Variants in NME7 observed in about 807,000 individuals in gnomAD.
NME7 encodes the protein NME/NM23 family member 7.
NME7 carries 41 observed loss-of-function variants against 49.1 expected under a neutral mutation model. The ratio of observed to expected loss-of-function variants is 0.83; its 90% CI spans 0.65 to 1.08. The LOEUF (loss-of-function observed/expected upper bound fraction) is 1.08. Ranked by LOEUF, NME7 falls within the 50% of genes least tolerant of loss-of-function variation. NME7 has a pLI of 0.00. For synonymous variants in NME7, 139 were observed against 150.6 expected (o/e 0.92, Z 0.56); for missense variants, 423 against 463.4 (o/e 0.91, Z 0.80).
At chr1:169,292,869 GT>G (rs561446685) in intron 6 of NME7, among the ~76,000 whole-genome samples, 2 of 152,240 alleles carry the variant, frequency 1.3e-5, no homozygotes, top group South Asian at 4.1e-4. Context: ...TCAAGAAAAT[GT>G]TCAGAAGGAA....
At chr1:169,354,631 G>A (rs1047796118) in intron 1 of NME7, among the ~76,000 whole-genome samples, 2 of 148,046 alleles carry the variant, frequency 1.4e-5, no homozygotes, top group African/African-American at 4.9e-5. Flanking sequence ...AATATCTGGT[G>A]TACATATTTA....
chr1:169,275,897 G>T lies in NME7; in HGVS notation c.754+11406C>A, dbSNP rs1232531594. Reference sequence around the variant, plus strand: ...TTTATTGAGAGTTTTTAGCATGAAGGGTTGTTGAATTTTGTCAAAGGCCTT... The same window carrying T: ...TTTATTGAGAGTTTTTAGCATGAAGTGTTGTTGAATTTTGTCAAAGGCCTT... On this transcript the variant is annotated intron_variant, in intron 7 of 11. Coordinates refer to ENST00000367811, the MANE Select transcript of NME7 (RefSeq NM_013330.5). Among the ~76,000 whole-genome samples the T allele has an allele frequency of 7.7e-5, 10 of 129,738 alleles. 2 individuals carry two copies. The highest frequency in any genetic ancestry group is 2.3e-4 in the Admixed American group (3 of 13,116). The allele number at this position is 129,738 out of a possible 152,430, so 85.1% of individuals were successfully genotyped here.
At chr1:169,254,313 T>G (rs1019580495) in intron 7 of NME7, among the ~76,000 whole-genome samples, 1 of 152,124 alleles carries the variant, frequency 6.6e-6, no homozygotes, top group African/African-American at 2.4e-5. Context: ...TGTCGAGGAA[T>G]TTATCCATTT....
chr1:169,324,908 T>C (rs1652002889), intron 1 of NME7, among the ~76,000 whole-genome samples: 1 of 152,224 alleles, frequency 6.6e-6, no homozygotes, highest in South Asian at 2.1e-4. Context: ...ATATGAAGTT[T>C]TGACTTCCCT....
chr1:169,137,186 A>C (rs1218187581), intron 11 of NME7, among the ~76,000 whole-genome samples: 1 of 152,260 alleles, frequency 6.6e-6, no homozygotes, highest in African/African-American at 2.4e-5. Context: ...CCTTACAGCC[A>C]AGGCTGGCTG....
intron 11 of NME7, among the ~76,000 whole-genome samples, chr1:169,136,667 G>A (rs1047185185): frequency 1.1e-4 from 16 of 152,090 alleles, no homozygotes; most frequent in African/African-American, 1.7e-4. Context: ...CATATCCAAC[G>A]GATAATGATA....
intron 1 of NME7, among the ~76,000 whole-genome samples, chr1:169,331,100 A>T (rs1431967836): frequency 6.6e-6 from 1 of 152,224 alleles, no homozygotes; most frequent in East Asian, 1.9e-4. Flanking sequence ...GCAATACATT[A>T]GAAAGATCAT....
In NME7 at chr1:169,298,583, G is replaced by A; in HGVS notation, c.621C>T (p.Gly207=). 6.2e-7 allele frequency: 1 copy of A among 1,613,862 alleles called. No individual in the cohort carries two copies. The highest frequency in any genetic ancestry group is 8.5e-7 in the Non-Finnish European group (1 of 1,179,864). Residue 207 remains glycine, a synonymous_variant, in exon 6 of 12, where the codon GGC becomes GGT. Transcript: ENST00000367811. Reference sequence around the variant, plus strand: ...TGGCCGCAGAAGCAAAAGAATCAGGGCCATGCGCTGCATTTCTTATGCCAT... The same window carrying A: ...TGGCCGCAGAAGCAAAAGAATCAGGACCATGCGCTGCATTTCTTATGCCAT... ...GTDGIRNAAH[G]PDSFASAARE...
At chr1:169,156,535 T>C (rs185150091) in intron 11 of NME7, among the ~76,000 whole-genome samples, 111 of 152,326 alleles carry the variant, frequency 7.3e-4, no homozygotes, top group Admixed American at 5.5e-3. Flanking sequence ...AATAAATTAA[T>C]CTAAAATAAT....
chr1:169,232,665 T>C (rs1229382808), intron 9 of NME7, among the ~76,000 whole-genome samples: 3 of 150,838 alleles, frequency 2.0e-5, no homozygotes, highest in Non-Finnish European at 4.4e-5. Flanking sequence ...GGTGGGAAAA[T>C]ATTTTTCAAA....
chr1:169,367,596 G>T, intron 1 of NME7, 112 bp downstream of exon 1: 3 of 1,187,882 alleles, frequency 2.5e-6, no homozygotes, highest in South Asian at 1.2e-5. Flanking sequence ...AAGAGATAAC[G>T]GGGAGAAGGT....
rs979124834 is a variant in NME7, at chr1:169,263,287, A to G, written c.754+24016T>C. Among the ~76,000 whole-genome samples, 3 of 134,066 alleles carry G rather than the reference A, an allele frequency of 2.2e-5. 1 individual carries two copies. Among genetic ancestry groups the G allele is most frequent in the Non-Finnish European group, 5.3e-5 (3 of 57,034 alleles). The allele number at this position is 134,066 out of a possible 152,430, so 88.0% of individuals were successfully genotyped here. A position where few individuals can be genotyped will look rare whatever the true frequency, so the allele number is the denominator to read the frequency against. ...CTGAAATGACAGAAACAGAATTCAG[A>G]ATGTGGATAGGAATGAAGATCATCA... is the stretch of plus-strand genomic sequence containing the variant. On this transcript the variant is annotated intron_variant, in intron 7 of 11. Coordinates refer to ENST00000367811, the MANE Select transcript of NME7 (RefSeq NM_013330.5).
Position 169,144,339 on chromosome 1 carries a change from C to T in NME7, c.1099-11522G>A, listed in dbSNP as rs79141439. On this transcript the variant is annotated intron_variant, in intron 11 of 11. Coordinates refer to ENST00000367811, the MANE Select transcript of NME7 (RefSeq NM_013330.5). ...TGAATACTTGCAATGTGTAATTATC[C>T]ACAAAGGCCATTACAAGAGAATATA... Among the ~76,000 whole-genome samples, 67 of 152,196 alleles carry T rather than the reference C, an allele frequency of 4.4e-4. 1 individual carries two copies. The East Asian group carries it at 0.011, about 25-fold the overall frequency.
intron 8 of NME7, 40 bp from the exon 9 acceptor site, chr1:169,235,239 C>A: frequency 2.7e-6 from 3 of 1,105,286 alleles, no homozygotes; most frequent in Non-Finnish European, 2.6e-6. Context: ...CATAAACCAA[C>A]CAACAAAAGG....
At chr1:169,355,317 A>G (rs1223008265) in intron 1 of NME7, among the ~76,000 whole-genome samples, 9 of 108,004 alleles carry the variant, frequency 8.3e-5, no homozygotes, top group African/African-American at 3.2e-4. Context: ...TATATTGTAT[A>G]TTATATATAA....
intron 7 of NME7, chr1:169,285,050 C>G (rs1650217660): frequency 1.3e-5 from 2 of 151,982 alleles, no homozygotes. Context: ...TATATGTACA[C>G]AAATATACAC....
intron 6 of NME7, among the ~76,000 whole-genome samples, chr1:169,297,111 T>A (rs1650741241): frequency 6.6e-6 from 1 of 151,974 alleles, no homozygotes; most frequent in Admixed American, 6.6e-5. Context: ...GTAGCTGGGA[T>A]TACAGGTGGG....
chr1:169,246,146 G>GA (rs772010403), intron 7 of NME7, among the ~76,000 whole-genome samples: 206 of 149,598 alleles, frequency 1.4e-3, no homozygotes, highest in Non-Finnish European at 2.3e-3. Context: ...CAAAAAATAT[G>GA]AAAAAAAAAA....
chr1:169,214,148 G>A (rs1408724628), intron 10 of NME7, among the ~76,000 whole-genome samples: 52 of 152,212 alleles, frequency 3.4e-4, no homozygotes. Context: ...GAATGAGAAA[G>A]TGCTCTTCAA....
Sources: gnomAD v4.1 joint callset for allele counts (sites outside exome capture counted in the v4.1 genomes callset) on GRCh38, gnomAD v4.1.1 for gene constraint, MANE v1.5 for transcripts, NCBI Gene and HGNC (gene_info 2026-07-23, HGNC 2026-07-21) for gene names.